The following SCFD2 variants were observed in gnomAD, a reference collection of about 807,000 sequenced individuals.
SCFD2 encodes the protein sec1 family domain-containing protein 2.
A neutral mutation model predicts 58.9 loss-of-function variants in SCFD2; 54 were observed. The observed-to-expected ratio is 0.92, with a 90% CI of 0.74 to 1.15. The LOEUF (loss-of-function observed/expected upper bound fraction) is 1.15, where lower values mean the gene tolerates loss of function less well. Among genes scored for constraint, SCFD2 ranks in the 50% most tolerant of loss-of-function variants. SCFD2 has a pLI of 0.00. For synonymous variants in SCFD2, 321 were observed against 335.9 expected, an observed-to-expected ratio of 0.96 and a Z score of 0.49; for missense variants, 805 against 836.6, an observed-to-expected ratio of 0.96 and a Z score of 0.47.
chr4:53,060,387 G>A (rs1198391478), intron 5 of SCFD2, among the ~76,000 whole-genome samples: 1 of 152,068 alleles, frequency 6.6e-6, no homozygotes, highest in Non-Finnish European at 1.5e-5. Context: ...CTCCAAGTGA[G>A]TTTTACATGT....
intron 7 of SCFD2, among the ~76,000 whole-genome samples, chr4:52,906,603 G>A (rs79300669): frequency 6.6e-6 from 1 of 152,194 alleles, no homozygotes; most frequent in Non-Finnish European, 1.5e-5. Flanking sequence ...CTGCAGGTCC[G>A]CTCCAGCAGG....
intron 5 of SCFD2, among the ~76,000 whole-genome samples, chr4:52,958,808 A>C (rs1009406353): frequency 6.6e-6 from 1 of 152,182 alleles, no homozygotes; most frequent in African/African-American, 2.4e-5. Context: ...CTTTTTGGAA[A>C]GCTCTACAGG....
intron 3 of SCFD2, among the ~76,000 whole-genome samples, chr4:53,310,521 C>CT (rs1350092261): frequency 6.6e-6 from 1 of 152,114 alleles, no homozygotes; most frequent in Non-Finnish European, 1.5e-5. Flanking sequence ...TTCTAATGGT[C>CT]TATTTGTTTT....
intron 4 of SCFD2, among the ~76,000 whole-genome samples, chr4:53,183,374 C>T (rs1294176117): frequency 2.0e-5 from 3 of 151,986 alleles, no homozygotes; most frequent in Non-Finnish European, 2.9e-5. Flanking sequence ...AAGCTGGAAA[C>T]CATCATCCTC....
At chr4:53,139,758 AAT>A (rs1438433804) in intron 5 of SCFD2, among the ~76,000 whole-genome samples, 1 of 152,250 alleles carries the variant, frequency 6.6e-6, no homozygotes, top group Non-Finnish European at 1.5e-5. Context: ...GGTTTTGTCG[AAT>A]AGAAAGGGGG....
chr4:52,965,325 C>T (rs1323293626), intron 5 of SCFD2, among the ~76,000 whole-genome samples: 1 of 152,142 alleles, frequency 6.6e-6, no homozygotes, highest in Non-Finnish European at 1.5e-5. Context: ...ATGCCACAGA[C>T]ACTATTTACT....
chr4:52,924,565 T>C (rs1719818596), intron 5 of SCFD2, among the ~76,000 whole-genome samples: 1 of 152,214 alleles, frequency 6.6e-6, no homozygotes, highest in Non-Finnish European at 1.5e-5. Context: ...CCTCTCCAAT[T>C]TGTCTGTCAT....
chr4:53,191,913 G>T (rs960092941), intron 4 of SCFD2, among the ~76,000 whole-genome samples: 1 of 152,102 alleles, frequency 6.6e-6, no homozygotes, highest in Admixed American at 6.6e-5. Flanking sequence ...TTCCAGTAGA[G>T]ACCACTCTAG....
intron 4 of SCFD2, among the ~76,000 whole-genome samples, chr4:53,254,074 A>G (rs1730504806): frequency 6.6e-6 from 1 of 152,104 alleles, no homozygotes; most frequent in Non-Finnish European, 1.5e-5. Context: ...GGGGAACAAC[A>G]CACACTGGGG....
chr4:52,882,394 C>A (rs554953890), intron 8 of SCFD2, among the ~76,000 whole-genome samples: 1 of 152,210 alleles, frequency 6.6e-6, no homozygotes, highest in East Asian at 1.9e-4. Flanking sequence ...GATATTAGAA[C>A]CAAGAATGAA....
intron 5 of SCFD2, among the ~76,000 whole-genome samples, chr4:52,985,962 G>T (rs1005050496): frequency 6.6e-6 from 1 of 152,032 alleles, no homozygotes; most frequent in Non-Finnish European, 1.5e-5. Context: ...AAATCGCCAG[G>T]AAATAATTTC....
intron 4 of SCFD2, among the ~76,000 whole-genome samples, chr4:53,190,392 A>G (rs1727858117): frequency 6.6e-6 from 1 of 151,912 alleles, no homozygotes; most frequent in Non-Finnish European, 1.5e-5. Context: ...CTCTTTGAAA[A>G]CACCTGGCAC....
intron 5 of SCFD2, among the ~76,000 whole-genome samples, chr4:53,137,685 T>C (rs1423928801): frequency 2.0e-5 from 3 of 152,242 alleles, no homozygotes; most frequent in East Asian, 1.9e-4. Flanking sequence ...CTTGTTGACC[T>C]GGACTTTAAA....
At chr4:53,296,834 T>C (rs1388956227) in intron 3 of SCFD2, among the ~76,000 whole-genome samples, 3 of 152,242 alleles carry the variant, frequency 2.0e-5, no homozygotes, top group African/African-American at 7.2e-5. Context: ...TCTGGTACAT[T>C]GTGTCTTTGT....
intron 5 of SCFD2, among the ~76,000 whole-genome samples, chr4:53,059,856 T>C (rs1356205961): frequency 2.0e-5 from 3 of 152,134 alleles, no homozygotes; most frequent in Non-Finnish European, 4.4e-5. Context: ...TACATTACAT[T>C]ATTTCTCCTT....
At chr4:53,170,986 A>G (rs1259225622) in intron 4 of SCFD2, among the ~76,000 whole-genome samples, 1 of 152,172 alleles carries the variant, frequency 6.6e-6, no homozygotes, top group Non-Finnish European at 1.5e-5. Flanking sequence ...TGACAATTTC[A>G]CTTTATTCCC....
intron 5 of SCFD2, among the ~76,000 whole-genome samples, chr4:53,077,735 G>A (rs960402926): frequency 6.6e-6 from 1 of 152,142 alleles, no homozygotes; most frequent in African/African-American, 2.4e-5. Context: ...ACGGCGGCTG[G>A]CCTCATGAAC....
chr4:53,039,570 T>C (rs947955808), intron 5 of SCFD2, among the ~76,000 whole-genome samples: 1 of 152,176 alleles, frequency 6.6e-6, no homozygotes, highest in Non-Finnish European at 1.5e-5. Context: ...TGCCAGGCCC[T>C]AACCAAATTT....
At chr4:53,249,958 T>A (rs1371578431) in intron 4 of SCFD2, among the ~76,000 whole-genome samples, 1 of 152,142 alleles carries the variant, frequency 6.6e-6, no homozygotes, top group Non-Finnish European at 1.5e-5. Context: ...CAATGTCAAC[T>A]TTAAATGTAA....
Sources: allele counts gnomAD v4.1 joint callset (sites outside exome capture counted in the v4.1 genomes callset), GRCh38; gene constraint gnomAD v4.1.1; transcripts MANE v1.5; gene names NCBI Gene and HGNC (gene_info 2026-07-23, HGNC 2026-07-21).